Variants in NRXN3 observed in about 807,000 individuals in gnomAD.
The protein encoded by NRXN3 is neurexin III.
NRXN3 carries 32 observed loss-of-function variants against 137.6 expected under a neutral mutation model. The observed-to-expected ratio is 0.23, with a 90% CI of 0.18 to 0.31. The LOEUF (loss-of-function observed/expected upper bound fraction) is 0.31. NRXN3 is among the 10% of genes least tolerant of loss of function. The probability of loss-of-function intolerance (pLI) is 1.00; values close to 1 mark genes in which losing one functional copy is unlikely to be tolerated. For missense variants in NRXN3, 1,574 were observed against 2,062.5 expected, an observed-to-expected ratio of 0.76 and a Z score of 4.59; for synonymous variants, 798 against 784.5, an observed-to-expected ratio of 1.02 and a Z score of -0.29.
chr14:79,614,001 G>A (rs765970035), intron 16 of NRXN3, among the ~76,000 whole-genome samples: 21 of 152,122 alleles, frequency 1.4e-4, no homozygotes, highest in Non-Finnish European at 2.6e-4. Flanking sequence ...AGTATCAAAA[G>A]GTCCATGCTT....
At chr14:79,340,321 G>A (rs1293887564) in intron 15 of NRXN3, among the ~76,000 whole-genome samples, 3 of 151,976 alleles carry the variant, frequency 2.0e-5, no homozygotes, top group Non-Finnish European at 4.4e-5. Context: ...GATAAAATTC[G>A]ATTTGTAATA....
chr14:79,145,153 A>C (rs547209766), intron 15 of NRXN3, among the ~76,000 whole-genome samples: 51 of 152,268 alleles, frequency 3.3e-4, no homozygotes, highest in African/African-American at 1.2e-3. Flanking sequence ...GTGCACGCTT[A>C]GTACAGTCAT....
At chr14:78,241,021 A>T (rs1244900746) in intron 1 of NRXN3, among the ~76,000 whole-genome samples, 1 of 152,194 alleles carries the variant, frequency 6.6e-6, no homozygotes, top group Non-Finnish European at 1.5e-5. Flanking sequence ...GGCGGGCCAG[A>T]GTCTGCCCTC....
chr14:78,236,916 A>G (rs2066396308), intron 1 of NRXN3, among the ~76,000 whole-genome samples: 1 of 152,222 alleles, frequency 6.6e-6, no homozygotes, highest in Non-Finnish European at 1.5e-5. Flanking sequence ...CACTACATGC[A>G]GTAGAGCCTT....
chr14:78,267,892 C>T (rs144245124), intron 2 of NRXN3, among the ~76,000 whole-genome samples: 151 of 152,268 alleles, frequency 9.9e-4, no homozygotes, highest in African/African-American at 3.5e-3. Flanking sequence ...CTTTTTGAGT[C>T]TCCAGTGCCT....
intron 6 of NRXN3, among the ~76,000 whole-genome samples, chr14:78,693,106 A>G (rs902656054): frequency 1.3e-5 from 2 of 151,934 alleles, no homozygotes; most frequent in Non-Finnish European, 1.5e-5. Context: ...AACAAAACAA[A>G]CAAACAAAAA....
At chr14:79,179,419 T>C (rs2062690049) in intron 15 of NRXN3, among the ~76,000 whole-genome samples, 1 of 152,194 alleles carries the variant, frequency 6.6e-6, no homozygotes, top group Non-Finnish European at 1.5e-5. Flanking sequence ...ATTATCATTT[T>C]TTAAAACAAA....
At chr14:79,228,442 T>G (rs1436637997) in intron 15 of NRXN3, among the ~76,000 whole-genome samples, 2 of 152,166 alleles carry the variant, frequency 1.3e-5, no homozygotes, top group Admixed American at 1.3e-4. Context: ...AAGCAACAAA[T>G]GCAACAGATG....
chr14:78,776,496 T>G (rs944556978), intron 8 of NRXN3, among the ~76,000 whole-genome samples: 7 of 152,198 alleles, frequency 4.6e-5, no homozygotes, highest in Non-Finnish European at 1.0e-4. Flanking sequence ...AAGAAATTTA[T>G]AGGTCAGTGT....
rs117565964 is a variant in NRXN3 at position 79,767,711 on chromosome 14, C to T, written c.4015-37401C>T. ...ACTGAGGAATAAAAAAAGTAAGTCACCCAAAGTTACACAGCTGATAGGTGA... is the reference window on the plus strand; with the variant it reads ...ACTGAGGAATAAAAAAAGTAAGTCATCCAAAGTTACACAGCTGATAGGTGA... On this transcript the variant is annotated intron_variant, in intron 19 of 20. Transcript: ENST00000335750. Among the ~76,000 whole-genome samples the T allele has an allele frequency of 8.4e-3, 1,285 of 152,268 alleles. 11 individuals are homozygous for T. The highest frequency in any genetic ancestry group is 0.027 in the South Asian group (131 of 4,824).
chr14:79,112,269 C>CCTTTT (rs1268765053), intron 15 of NRXN3, among the ~76,000 whole-genome samples: 1 of 152,188 alleles, frequency 6.6e-6, no homozygotes, highest in African/African-American at 2.4e-5. Flanking sequence ...CCAGCCCCCT[C>CCTTTT]CTTTTCTTTT....
At chr14:79,702,998 C>T (rs139043233) in intron 19 of NRXN3, among the ~76,000 whole-genome samples, 5 of 151,672 alleles carry the variant, frequency 3.3e-5, no homozygotes, top group African/African-American at 1.2e-4. Flanking sequence ...TTGCAGGATA[C>T]TGATCATGAC....
intron 10 of NRXN3, among the ~76,000 whole-genome samples, chr14:78,846,386 A>G (rs1042782781): frequency 6.6e-6 from 1 of 152,084 alleles, no homozygotes; most frequent in African/African-American, 2.4e-5. Flanking sequence ...AAGCTATACA[A>G]TGTAGTGGAG....
chr14:78,252,326 A>G (rs557661918), intron 2 of NRXN3, among the ~76,000 whole-genome samples: 1 of 152,316 alleles, frequency 6.6e-6, no homozygotes, highest in Admixed American at 6.5e-5. Flanking sequence ...ACAGTGCACC[A>G]TCCAAAGGTA....
At chr14:79,677,587 C>G (rs1603419676) in intron 17 of NRXN3, among the ~76,000 whole-genome samples, 2 of 152,048 alleles carry the variant, frequency 1.3e-5, no homozygotes, top group Admixed American at 1.3e-4. Flanking sequence ...ATTGAGCTCT[C>G]CTAGAGGAGG....
At position 78,609,424 on chromosome 14, in the gene NRXN3, G is replaced by A. The variant is rs531695719; in HGVS notation, c.758-35696G>A. Among the ~76,000 whole-genome samples, 16 of 152,230 alleles carry A rather than the reference G, an allele frequency of 1.1e-4. No individual in the cohort carries two copies. In the South Asian group the frequency reaches 2.7e-3, roughly 26 times the overall value. On this transcript the variant is annotated intron_variant, in intron 4 of 20. Transcript: ENST00000335750. ...GAGAAACCCAGGTCCTGGCAAAAAC[G>A]GTCACACTACTTTAAAGTTTGGGAC...
chr14:79,005,200 A>C (rs1392511253), intron 15 of NRXN3, among the ~76,000 whole-genome samples: 1 of 152,202 alleles, frequency 6.6e-6, no homozygotes, highest in Admixed American at 6.5e-5. Flanking sequence ...TATTCCCACT[A>C]ATACGCAGGA....
At chr14:79,575,894 G>A (rs1045947681) in intron 16 of NRXN3, among the ~76,000 whole-genome samples, 1 of 152,162 alleles carries the variant, frequency 6.6e-6, no homozygotes, top group Non-Finnish European at 1.5e-5. Context: ...CCCGTCTGCT[G>A]CAAGAGTCTG....
chr14:79,283,472 A>G (rs1331172407), intron 15 of NRXN3, among the ~76,000 whole-genome samples: 1 of 152,140 alleles, frequency 6.6e-6, no homozygotes, highest in Non-Finnish European at 1.5e-5. Flanking sequence ...AATCCTCCAA[A>G]TAGCTGATAT....
Sources: gnomAD v4.1 joint callset for allele counts (sites outside exome capture counted in the v4.1 genomes callset) on GRCh38, gnomAD v4.1.1 for gene constraint, MANE v1.5 for transcripts, NCBI Gene and HGNC (gene_info 2026-07-23, HGNC 2026-07-21) for gene names.